SLC9A9: variants seen among roughly 807,000 people sequenced by gnomAD.
SLC9A9 encodes solute carrier family 9 member A9.
A neutral mutation model predicts 77.8 loss-of-function variants in SLC9A9; 62 were observed. The observed-to-expected ratio is 0.80, with a 90% CI of 0.65 to 0.98. The LOEUF is 0.98. SLC9A9 is among the 50% of genes least tolerant of loss of function. The pLI is 0.00. For missense variants in SLC9A9, 775 were observed against 774.9 expected (o/e 1.00, Z 0.00); for synonymous variants, 320 against 283.5 (o/e 1.13, Z -1.29).
chr3:143,656,759 G>T lies in SLC9A9; in HGVS notation c.650-4399C>A, dbSNP rs550936965. Reference sequence around the variant, plus strand: ...TGGAGAGTGCTCTCTATGGTTTTCTGTGCAAATCACTATGTATGACACTTG... The same window carrying T: ...TGGAGAGTGCTCTCTATGGTTTTCTTTGCAAATCACTATGTATGACACTTG... On this transcript the variant is annotated intron_variant, in intron 5 of 15. Transcript: ENST00000316549. Among the ~76,000 whole-genome samples, 107 of 152,234 alleles carry T rather than the reference G, an allele frequency of 7.0e-4. 1 individual carries two copies. Among genetic ancestry groups the T allele is most frequent in the Non-Finnish European group, 1.0e-3 (70 of 68,012 alleles).
At chr3:143,641,414 CAG>C (rs2038620248) in intron 6 of SLC9A9, among the ~76,000 whole-genome samples, 1 of 59,096 alleles carries the variant, frequency 1.7e-5, no homozygotes, top group East Asian at 4.5e-4. Flanking sequence ...TTTTTTGAGA[CAG>C]AGTCTTGCTC....
chr3:143,563,747 C>G (rs957414465), intron 8 of SLC9A9, among the ~76,000 whole-genome samples: 2 of 152,004 alleles, frequency 1.3e-5, no homozygotes, highest in African/African-American at 4.8e-5. Flanking sequence ...CTATTTGTTG[C>G]CAATAAGGGT....
intron 4 of SLC9A9, among the ~76,000 whole-genome samples, chr3:143,789,874 T>G (rs1015477865): frequency 6.6e-6 from 1 of 152,210 alleles, no homozygotes; most frequent in Non-Finnish European, 1.5e-5. Context: ...AATGTTTATA[T>G]GAATAATGTA....
At chr3:143,374,667 T>C (rs1298434200) in intron 13 of SLC9A9, among the ~76,000 whole-genome samples, 1 of 151,980 alleles carries the variant, frequency 6.6e-6, no homozygotes, top group Non-Finnish European at 1.5e-5. Context: ...ATAATAGGTA[T>C]ATATATTTAT....
intron 5 of SLC9A9, among the ~76,000 whole-genome samples, chr3:143,688,786 ACC>A (rs1933360388): frequency 6.6e-6 from 1 of 152,036 alleles, no homozygotes; most frequent in Admixed American, 6.6e-5. Context: ...AACCTCTCAT[ACC>A]ATAAGCAAAA....
At chr3:143,701,849 T>G (rs1186350315) in intron 4 of SLC9A9, among the ~76,000 whole-genome samples, 8 of 152,096 alleles carry the variant, frequency 5.3e-5, no homozygotes, top group Non-Finnish European at 1.5e-5. Context: ...AAAAGAAGAC[T>G]GCCTCAAGGC....
rs372389611 is a variant in SLC9A9, at chr3:143,363,505, A to T, written c.1583T>A (p.Met528Lys). The change falls in exon 14 of 16, where the codon ATG becomes AAG. Residue 528 changes from methionine (M) to lysine (K), a missense_variant. Coordinates refer to ENST00000316549, the MANE Select transcript of SLC9A9 (RefSeq NM_173653.4). ...TKAESARLFR[M>K]WYSFDHKYLK... ...ATACTTGTGGTCAAAGCTATACCAC[A>T]TTCTGAAGAGCCGAGCACTCTCTGC... The T allele has an allele frequency of 5.0e-6, 8 of 1,613,002 alleles. No individual in the cohort carries two copies. The highest frequency in any genetic ancestry group is 3.4e-6 in the Non-Finnish European group (4 of 1,179,304).
At chr3:143,340,604 G>A (rs1163566997) in intron 14 of SLC9A9, among the ~76,000 whole-genome samples, 1 of 152,128 alleles carries the variant, frequency 6.6e-6, no homozygotes, top group East Asian at 1.9e-4. Flanking sequence ...CTTTCCTGGG[G>A]CTCACTTTGG....
In SLC9A9 at chr3:143,308,086, G is replaced by A. The variant is rs76911166; in HGVS notation, c.1605-39106C>T. 8.9e-3 allele frequency among the ~76,000 whole-genome samples: 1,353 copies of A among 152,290 alleles called. 17 individuals are homozygous for A. Among genetic ancestry groups the A allele is most frequent in the African/African-American group, 0.03 (1,238 of 41,548 alleles). On this transcript the variant is annotated intron_variant, in intron 14 of 15. Transcript: ENST00000316549. Reference sequence around the variant, plus strand: ...TCCACTTAACCACTATGGTAGCTGAGCAGTGTGTCTGCCTCCACCTTCACC... The same window carrying A: ...TCCACTTAACCACTATGGTAGCTGAACAGTGTGTCTGCCTCCACCTTCACC...
intron 6 of SLC9A9, among the ~76,000 whole-genome samples, chr3:143,628,690 T>C (rs2038371031): frequency 6.6e-6 from 1 of 152,186 alleles, no homozygotes; most frequent in South Asian, 2.1e-4. Flanking sequence ...TTTGATTATT[T>C]CTGTTAGAAT....
chr3:143,385,654 A>G (rs934380329), intron 12 of SLC9A9, among the ~76,000 whole-genome samples: 2 of 152,228 alleles, frequency 1.3e-5, no homozygotes, highest in African/African-American at 2.4e-5. Context: ...AAGATCATTT[A>G]TACGTAATGA....
chr3:143,311,153 G>T (rs148233446), intron 14 of SLC9A9, among the ~76,000 whole-genome samples: 9 of 152,324 alleles, frequency 5.9e-5, no homozygotes, highest in Non-Finnish European at 1.0e-4. Flanking sequence ...TTGTGTATCA[G>T]TTGGCCCTTG....
At chr3:143,386,038 C>T (rs1399427163) in intron 12 of SLC9A9, among the ~76,000 whole-genome samples, 1 of 152,210 alleles carries the variant, frequency 6.6e-6, no homozygotes, top group Non-Finnish European at 1.5e-5. Context: ...TGCCTTCTTT[C>T]CTGAACTCCA....
chr3:143,687,997 C>G (rs1933328687), intron 5 of SLC9A9, among the ~76,000 whole-genome samples: 1 of 151,708 alleles, frequency 6.6e-6, no homozygotes, highest in Admixed American at 6.6e-5. Context: ...TTCCTTCCCT[C>G]CTCCCTCTCT....
chr3:143,568,654 G>A (rs2037210546), intron 8 of SLC9A9, among the ~76,000 whole-genome samples: 1 of 152,088 alleles, frequency 6.6e-6, no homozygotes, highest in Admixed American at 6.6e-5. Context: ...TGTTATTCAG[G>A]TTTTGAAACT....
intron 12 of SLC9A9, 153 bp from the exon 13 acceptor site, chr3:143,382,267 G>T: frequency 1.3e-6 from 1 of 785,576 alleles, no homozygotes; most frequent in African/African-American, 1.7e-5. Flanking sequence ...AAGAACCTCA[G>T]ATTTATACCA....
Position 143,768,140 on chromosome 3 carries a change from A to T in SLC9A9, c.533+26861T>A, listed in dbSNP as rs188869059. On this transcript the variant is annotated intron_variant, in intron 4 of 15. Transcript: ENST00000316549. ...CTCTCCTCACTGTCACACAGGGCTC[A>T]CTGACTGACTGCCAGACACCCAGGG... Among the ~76,000 whole-genome samples the T allele has an allele frequency of 4.1e-3, 617 of 152,128 alleles. 3 individuals are homozygous for T. Among genetic ancestry groups the T allele is most frequent in the Non-Finnish European group, 6.6e-3 (450 of 67,982 alleles).
chr3:143,418,836 C>G (rs780426352), intron 12 of SLC9A9, among the ~76,000 whole-genome samples: 5 of 152,138 alleles, frequency 3.3e-5, no homozygotes, highest in Non-Finnish European at 7.4e-5. Flanking sequence ...CAGGTGCTGG[C>G]AGGGAGAAGG....
intron 6 of SLC9A9, among the ~76,000 whole-genome samples, chr3:143,606,592 AT>A (rs1229703838): frequency 6.6e-6 from 1 of 150,874 alleles, no homozygotes; most frequent in Non-Finnish European, 1.5e-5. Context: ...ATAATTAAAA[AT>A]ATCATTAAAT....
Sources: gnomAD v4.1 joint callset for allele counts (sites outside exome capture counted in the v4.1 genomes callset) on GRCh38, gnomAD v4.1.1 for gene constraint, MANE v1.5 for transcripts, NCBI Gene and HGNC (gene_info 2026-07-23, HGNC 2026-07-21) for gene names.